Variants in ITPR3 observed in about 807,000 individuals in gnomAD.
The protein encoded by ITPR3 is inositol 1,4,5-trisphosphate-gated calcium channel ITPR3.
ITPR3 carries 173 observed loss-of-function variants against 293.2 expected under a neutral mutation model. That is an observed-to-expected ratio of 0.59 (90% CI 0.52 to 0.67). The LOEUF (loss-of-function observed/expected upper bound fraction) is 0.67. Ranked by LOEUF, ITPR3 falls within the 30% of genes least tolerant of loss-of-function variation. The pLI is 0.00. For missense variants in ITPR3, 2,796 were observed against 3,592.1 expected (o/e 0.78, Z 5.66); for synonymous variants, 1,295 against 1,444.4 (o/e 0.90, Z 2.35).
At chr6:33,656,118 AC>A (rs1438150014) in intron 3 of ITPR3, among the ~76,000 whole-genome samples, 2 of 152,160 alleles carry the variant, frequency 1.3e-5, no homozygotes, top group Non-Finnish European at 2.9e-5. Flanking sequence ...ACATAGCAAG[AC>A]CCTATCTCTA....
At position 33,654,648 on chromosome 6, in the gene ITPR3, C is replaced by T. The variant is rs947522323; in HGVS notation, c.161-1118C>T. Among the ~76,000 whole-genome samples, 10 of 152,180 alleles carry T rather than the reference C, an allele frequency of 6.6e-5. No individual in the cohort carries two copies. Among genetic ancestry groups the T allele is most frequent in the Non-Finnish European group, 8.8e-5 (6 of 68,034 alleles). On this transcript the variant is annotated intron_variant, in intron 2 of 57. Coordinates refer to ENST00000605930, the MANE Select transcript of ITPR3 (RefSeq NM_002224.4). This position sits in a 1 kb window ranked among gnomAD's most constrained non-coding sequence, Gnocchi z 4.1. ...GAAGGGGTTTTGTTTCTGGGACCCTCGAGTGGCTCTCTCCTCTCCAGTCTC... is the reference window on the plus strand; with the variant it reads ...GAAGGGGTTTTGTTTCTGGGACCCTTGAGTGGCTCTCTCCTCTCCAGTCTC...
rs746584751 is a variant in ITPR3, at chr6:33,676,976, G to A, written c.3448-39G>A. The A allele has an allele frequency of 4.3e-6, 7 of 1,613,890 alleles. No homozygotes were observed. The South Asian group carries it at 6.6e-5, about 15-fold the overall frequency. On this transcript the variant is annotated intron_variant, in intron 26 of 57. Coordinates refer to ENST00000605930, the MANE Select transcript of ITPR3 (RefSeq NM_002224.4). ...GGCCAGGGCAGGCCTCCCTGTGAGG[G>A]CTGGGCCTGGCTGATCTCCTTCCTC...
In ITPR3 at chr6:33,685,673, C is replaced by T; in HGVS notation, c.5513C>T (p.Ser1838Phe). ...GRVASFSIPGSSSRYSLGPSL... is the reference protein window; with the variant it reads ...GRVASFSIPGFSSRYSLGPSL... ...GTGGCCTCCTTCTCGATACCTGGCT[C>T]CTCATCCCGCTACTCGCTGGGCCCC... Residue 1838 changes from serine (S) to phenylalanine (F), a missense_variant, in exon 41 of 58, where the codon TCC becomes TTC. Transcript: ENST00000605930. 1.3e-6 allele frequency: 2 copies of T among 1,594,754 alleles called. No homozygotes were observed. The highest frequency in any genetic ancestry group is 1.7e-6 in the Non-Finnish European group (2 of 1,168,462).
chr6:33,624,165 G>A lies in ITPR3; in HGVS notation c.89+2474G>A, dbSNP rs1438225007. Among the ~76,000 whole-genome samples the A allele has an allele frequency of 1.3e-5, 2 of 152,192 alleles. No individual in the cohort carries two copies. Among genetic ancestry groups the A allele is most frequent in the East Asian group, 3.8e-4 (2 of 5,204 alleles). ...ACCCCTAGGGCAGAATTAACCCTTC[G>A]TCCTCTATGCTTTTGAACTGCTTTG... On this transcript the variant is annotated intron_variant, in intron 1 of 57. Coordinates refer to ENST00000605930, the MANE Select transcript of ITPR3 (RefSeq NM_002224.4). This position sits in a 1 kb window ranked among gnomAD's most constrained non-coding sequence, Gnocchi z 4.7.
Position 33,672,539 on chromosome 6 carries a change from G to A in ITPR3, c.2928+311G>A, listed in dbSNP as rs1255038444. ...TCAAGACCTGCCTGGGTGAGACCCC[G>A]TCTCTATTAAAAAAAATAGTAATAA... is the stretch of plus-strand genomic sequence containing the variant. On this transcript the variant is annotated intron_variant, in intron 22 of 57. Transcript: ENST00000605930. The surrounding 1 kb of genome is among the most constrained non-coding windows in gnomAD (Gnocchi z 5.0). Among the ~76,000 whole-genome samples the A allele has an allele frequency of 6.6e-6, 1 of 151,944 alleles. No homozygotes were observed. The highest frequency in any genetic ancestry group is 1.9e-4 in the East Asian group (1 of 5,190).
Position 33,677,056 on chromosome 6 carries a change from G to T in ITPR3, c.3489G>T (p.Glu1163Asp), listed in dbSNP as rs778621027. The change falls in exon 27 of 58, where the codon GAG (glutamate) becomes GAT (aspartate). Residue 1163 changes from glutamate (E) to aspartate (D), a missense_variant. Coordinates refer to ENST00000605930, the MANE Select transcript of ITPR3 (RefSeq NM_002224.4). The stretch of plus-strand genomic sequence containing the variant: ...AGGGCTTTCTGCACCCACCAGGGGA[G>T]AAAAGCAGTGAGAACTACCAGATCG... ...DEEGFLHPPG[E>D]KSSENYQIVK... 96 of 1,614,078 alleles carry T rather than the reference G, an allele frequency of 5.9e-5. No individual in the cohort carries two copies. The highest frequency in any genetic ancestry group is 5.1e-5 in the Non-Finnish European group (60 of 1,180,048).
intron 33 of ITPR3, among the ~76,000 whole-genome samples, chr6:33,681,993 A>C (rs1440609086): frequency 6.6e-6 from 1 of 151,696 alleles, no homozygotes; most frequent in East Asian, 1.9e-4. Context: ...GCAATTCTCC[A>C]GCCTCAGCCT....
rs137862136 is a variant in ITPR3 at position 33,687,505 on chromosome 6, C to T, written c.6205C>T (p.His2069Tyr). Residue 2069 changes from histidine to tyrosine, a missense_variant, in exon 46 of 58, where the codon CAC becomes TAC. By Grantham distance (83) the His-to-Tyr change is moderately conservative. Coordinates refer to ENST00000605930, the MANE Select transcript of ITPR3 (RefSeq NM_002224.4). The surrounding 1 kb of genome is among the most constrained non-coding windows in gnomAD (Gnocchi z 5.3). ...CTCCAGGCACAATAAACAGCTGCAG[C>T]ACCTGCTGAAGCCGGTGAAGCGCAT... is the stretch of plus-strand genomic sequence containing the variant. The part of the protein sequence containing the change: ...QLSRHNKQLQ[H>Y]LLKPVKRIQE... 1.9e-6 allele frequency: 3 copies of T among 1,611,616 alleles called. No individual in the cohort carries two copies. The highest frequency in any genetic ancestry group is 2.5e-6 in the Non-Finnish European group (3 of 1,179,264).
At chr6:33,668,921 A>G (rs1764684612) in intron 17 of ITPR3, 53 bp from the exon 18 acceptor site, 3 of 1,569,502 alleles carry the variant, frequency 1.9e-6, no homozygotes, top group Non-Finnish European at 2.6e-6. Flanking sequence ...GGAGGGGTCC[A>G]GGCGTAGTGC....
At chr6:33,686,314 G>A in intron 42 of ITPR3, 61 bp downstream of exon 42, 1 of 1,598,470 alleles carries the variant, frequency 6.3e-7, no homozygotes, top group Non-Finnish European at 8.6e-7. Flanking sequence ...GTGGGTAGAT[G>A]GAGCCAGCTG....
chr6:33,689,907 T>C (rs1288474321), intron 50 of ITPR3, 127 bp from the exon 51 acceptor site: 1 of 1,093,782 alleles, frequency 9.1e-7, no homozygotes, highest in Non-Finnish European at 1.3e-6. Flanking sequence ...GGCGCCTAGA[T>C]GCGTTTCTGG....
rs1319466876 is a variant in ITPR3 at position 33,691,319 on chromosome 6, C to A, written c.7225+210C>A. Among the ~76,000 whole-genome samples the A allele has an allele frequency of 6.6e-6, 1 of 152,178 alleles. No individual in the cohort carries two copies. Among genetic ancestry groups the A allele is most frequent in the Non-Finnish European group, 1.5e-5 (1 of 68,036 alleles). On this transcript the variant is annotated intron_variant, in intron 52 of 57. Coordinates refer to ENST00000605930, the MANE Select transcript of ITPR3 (RefSeq NM_002224.4). This position sits in a 1 kb window ranked among gnomAD's most constrained non-coding sequence, Gnocchi z 4.9. The stretch of plus-strand genomic sequence containing the variant: ...GGTGGGAGAGCCTTGGGTCTCTGGC[C>A]CCTAAGGAACCCCTTGCTTGAGGGC...
chr6:33,661,709 C>A (rs1030065626), intron 7 of ITPR3, among the ~76,000 whole-genome samples: 7 of 152,180 alleles, frequency 4.6e-5, no homozygotes, highest in Non-Finnish European at 7.4e-5. Flanking sequence ...AGAGCAGAGA[C>A]AGAGGCCGGG....
Position 33,687,101 on chromosome 6 carries a change from G to A in ITPR3, c.6072G>A (p.Glu2024=). Residue 2024 remains glutamate, a synonymous_variant, in exon 44 of 58, where the codon GAG becomes GAA. Transcript: ENST00000605930. The surrounding 1 kb of genome is among the most constrained non-coding windows in gnomAD (Gnocchi z 5.3). ...TCCTCATCAGCCTGCGGCCCCAGGA[G>A]CTGGTGAGGCTGGGCAGGTGGGCAG... ...ERILISLRPQ[E]LVDVIKKAYL... is the part of the protein sequence containing the mutation. The A allele has an allele frequency of 3.7e-6, 6 of 1,613,910 alleles. No individual in the cohort carries two copies. The highest frequency in any genetic ancestry group is 4.2e-6 in the Non-Finnish European group (5 of 1,179,882).
intron 2 of ITPR3, among the ~76,000 whole-genome samples, chr6:33,651,012 C>T (rs1300575926): frequency 1.3e-5 from 2 of 152,042 alleles, no homozygotes; most frequent in African/African-American, 2.4e-5. Context: ...CGGGGTGGTT[C>T]ACGCCTGTAA....
chr6:33,670,859 T>C lies in ITPR3; in HGVS notation c.2586+44T>C. On this transcript the variant is annotated intron_variant, in intron 20 of 57. Transcript: ENST00000605930. This position sits in a 1 kb window ranked among gnomAD's most constrained non-coding sequence, Gnocchi z 6.7. ...AGGGGCTGGGGGTCCGTGGAGCTCT[T>C]GTTGGCCCCACACTGGCCTCGGTCT... 1 of 1,601,380 alleles carries C rather than the reference T, an allele frequency of 6.2e-7. No individual in the cohort carries two copies. The highest frequency in any genetic ancestry group is 8.5e-7 in the Non-Finnish European group (1 of 1,175,292).
intron 33 of ITPR3, among the ~76,000 whole-genome samples, chr6:33,680,935 C>T (rs558447735): frequency 6.6e-6 from 1 of 151,694 alleles, no homozygotes; most frequent in Non-Finnish European, 1.5e-5. Context: ...ATTCTCCTGC[C>T]TCAGCCTCCC....
intron 2 of ITPR3, among the ~76,000 whole-genome samples, chr6:33,652,554 A>G (rs940845889): frequency 1.1e-4 from 17 of 150,134 alleles, no homozygotes; most frequent in African/African-American, 4.2e-4. Context: ...TCTGCCCCCG[A>G]CCCCCGGTTC....
chr6:33,637,970 G>A lies in ITPR3; in HGVS notation c.90-2514G>A, dbSNP rs144980225. Among the ~76,000 whole-genome samples, 1,045 of 151,390 alleles carry A rather than the reference G, an allele frequency of 6.9e-3. 11 individuals carry two copies. The highest frequency in any genetic ancestry group is 8.6e-3 in the Non-Finnish European group (581 of 67,828). On this transcript the variant is annotated intron_variant, in intron 1 of 57. Transcript: ENST00000605930. ...TGGCCCCTTTTGGGTTTTTACAGAG[G>A]CTGCCTTACCTAGGCACGTTTTTTG...
Sources: gnomAD v4.1 joint callset for allele counts (sites outside exome capture counted in the v4.1 genomes callset) on GRCh38, gnomAD v4.1.1 for gene constraint, Gnocchi (gnomAD v3.1) non-coding constraint, MANE v1.5 for transcripts, NCBI Gene and HGNC (gene_info 2026-07-23, HGNC 2026-07-21) for gene names.